CCBE1: variants seen among roughly 807,000 people sequenced by gnomAD.
CCBE1 encodes collagen and calcium-binding EGF domain-containing protein 1.
Under a neutral mutation model 50.0 loss-of-function variants are expected in CCBE1, and 37 were observed. The observed-to-expected ratio is 0.74, with a 90% CI of 0.57 to 0.97. The LOEUF is 0.97. CCBE1 is among the 50% of genes least tolerant of loss of function. CCBE1 has a pLI of 0.00. For missense variants in CCBE1, 538 were observed against 523.8 expected, an observed-to-expected ratio of 1.03 and a Z score of -0.26; for synonymous variants, 234 against 203.7, an observed-to-expected ratio of 1.15 and a Z score of -1.27.
At chr18:59,505,031 C>T (rs564298369) in intron 2 of CCBE1, among the ~76,000 whole-genome samples, 2 of 152,338 alleles carry the variant, frequency 1.3e-5, no homozygotes, top group South Asian at 2.1e-4. Flanking sequence ...ATTCACTTCT[C>T]TGCACCCTTG....
At chr18:59,560,076 G>A (rs2052711796) in intron 2 of CCBE1, among the ~76,000 whole-genome samples, 1 of 152,236 alleles carries the variant, frequency 6.6e-6, no homozygotes, top group Non-Finnish European at 1.5e-5. Flanking sequence ...TTTAGAAGCA[G>A]CAGTGCCCCT....
intron 2 of CCBE1, among the ~76,000 whole-genome samples, chr18:59,632,267 T>A (rs962472396): frequency 6.6e-6 from 1 of 152,128 alleles, no homozygotes; most frequent in Non-Finnish European, 1.5e-5. Context: ...TTATAGGCAT[T>A]CTGGGCTGGG....
At chr18:59,583,144 C>T (rs2144514559) in intron 2 of CCBE1, among the ~76,000 whole-genome samples, 1 of 152,302 alleles carries the variant, frequency 6.6e-6, no homozygotes, top group South Asian at 2.1e-4. Context: ...AGGCTAATTT[C>T]TAACCCTGTG....
chr18:59,672,944 T>C (rs936824301), intron 2 of CCBE1, among the ~76,000 whole-genome samples: 12 of 151,698 alleles, frequency 7.9e-5, no homozygotes, highest in Admixed American at 7.9e-4. Context: ...ATCTCACAAA[T>C]CACCGCTAAA....
At chr18:59,477,190 T>A (rs1033516817) in intron 3 of CCBE1, among the ~76,000 whole-genome samples, 40 of 152,206 alleles carry the variant, frequency 2.6e-4, no homozygotes, top group African/African-American at 9.4e-4. Context: ...AATTGTACTG[T>A]TACTCCACAA....
At chr18:59,578,120 C>A (rs960577343) in intron 2 of CCBE1, among the ~76,000 whole-genome samples, 41 of 152,118 alleles carry the variant, frequency 2.7e-4, no homozygotes, top group African/African-American at 9.4e-4. Flanking sequence ...AGAAAAAAAA[C>A]CCCATCAAAA....
intron 2 of CCBE1, among the ~76,000 whole-genome samples, chr18:59,643,102 G>C (rs547785031): frequency 6.6e-6 from 1 of 152,146 alleles, no homozygotes; most frequent in Non-Finnish European, 1.5e-5. Flanking sequence ...TCTGCACTCT[G>C]ATGACTCCTC....
chr18:59,568,029 G>A (rs1418384924), intron 2 of CCBE1, among the ~76,000 whole-genome samples: 2 of 151,922 alleles, frequency 1.3e-5, no homozygotes, highest in Admixed American at 6.6e-5. Context: ...TTTTAAGTCC[G>A]AATTCATATA....
At chr18:59,639,194 C>T (rs994077587) in intron 2 of CCBE1, among the ~76,000 whole-genome samples, 4 of 151,998 alleles carry the variant, frequency 2.6e-5, no homozygotes, top group Non-Finnish European at 4.4e-5. Flanking sequence ...GGATTGAGCC[C>T]GGGAGTCCAA....
At chr18:59,476,989 AT>A (rs1352106805) in intron 3 of CCBE1, among the ~76,000 whole-genome samples, 2 of 152,142 alleles carry the variant, frequency 1.3e-5, no homozygotes, top group Non-Finnish European at 2.9e-5. Flanking sequence ...CTATAACTTT[AT>A]GTTATATTGG....
rs750346927 is a variant in CCBE1 at position 59,466,857 on chromosome 18, C to T, written c.435G>A (p.Leu145=). ...AGGTATTGATGCAGATGTGGGCACA[C>T]AGCGTCCCATTGCTGCTGGCACACT... is the stretch of plus-strand genomic sequence containing the variant. ...IDECASSNGT[L]CAHICINTLG... The change falls in exon 5 of 11, where the codon CTG becomes CTA. Residue 145 remains leucine, a synonymous_variant. Coordinates refer to ENST00000439986, the MANE Select transcript of CCBE1 (RefSeq NM_133459.4). 1.9e-6 allele frequency: 3 copies of T among 1,613,428 alleles called. No homozygotes were observed. In the East Asian group the frequency reaches 6.7e-5, roughly 36 times the overall value.
chr18:59,690,868 C>T (rs1251273298), intron 2 of CCBE1, among the ~76,000 whole-genome samples: 1 of 152,216 alleles, frequency 6.6e-6, no homozygotes. Context: ...CAATTAAACA[C>T]ACAGGCAGGA....
intron 2 of CCBE1, among the ~76,000 whole-genome samples, chr18:59,562,315 T>C (rs1028630307): frequency 2.0e-5 from 3 of 152,156 alleles, no homozygotes; most frequent in Non-Finnish European, 4.4e-5. Flanking sequence ...AACCTATCTT[T>C]TTAGATTATT....
At chr18:59,597,967 C>A (rs2053378936) in intron 2 of CCBE1, among the ~76,000 whole-genome samples, 1 of 151,958 alleles carries the variant, frequency 6.6e-6, no homozygotes, top group African/African-American at 2.4e-5. Flanking sequence ...AGACTCACAG[C>A]CTGAATTTCA....
intron 2 of CCBE1, among the ~76,000 whole-genome samples, chr18:59,676,106 A>G (rs1263501640): frequency 6.6e-6 from 1 of 152,234 alleles, no homozygotes; most frequent in Non-Finnish European, 1.5e-5. Context: ...ACCAAACTGT[A>G]CTTAGGACAG....
chr18:59,612,838 TTTTGTTTTTG>T (rs755076142), intron 2 of CCBE1, among the ~76,000 whole-genome samples: 6,275 of 89,342 alleles, frequency 0.07, 345 homozygotes, highest in East Asian at 0.13. Flanking sequence ...TTTTTTTTGT[TTTTGTTTTTG>T]TTTTTTTTAA....
intron 2 of CCBE1, among the ~76,000 whole-genome samples, chr18:59,613,114 T>C (rs1390951227): frequency 6.6e-6 from 1 of 151,960 alleles, no homozygotes; most frequent in Non-Finnish European, 1.5e-5. Flanking sequence ...CCTGCTCTTA[T>C]CGGAAGTAAC....
At chr18:59,436,991 T>C (rs989394885) in intron 10 of CCBE1, among the ~76,000 whole-genome samples, 7 of 152,170 alleles carry the variant, frequency 4.6e-5, no homozygotes, top group Admixed American at 3.3e-4. Context: ...AATGCTGTTA[T>C]TTTTTAAAAG....
intron 2 of CCBE1, among the ~76,000 whole-genome samples, chr18:59,658,494 A>G (rs1256611734): frequency 2.1e-5 from 3 of 139,610 alleles, no homozygotes; most frequent in African/African-American, 5.3e-5. Context: ...CTCTAGCCCA[A>G]GAGCTCAAGG....
Sources: allele counts gnomAD v4.1 joint callset (sites outside exome capture counted in the v4.1 genomes callset), GRCh38; gene constraint gnomAD v4.1.1; transcripts MANE v1.5; gene names NCBI Gene and HGNC (gene_info 2026-07-23, HGNC 2026-07-21).